CCDC169: variants seen among roughly 807,000 people sequenced by gnomAD.
CCDC169 encodes the protein coiled-coil domain-containing protein 169.
Under a neutral mutation model 36.0 loss-of-function variants are expected in CCDC169, and 30 were observed. The ratio of observed to expected loss-of-function variants is 0.83; its 90% CI spans 0.62 to 1.13. The LOEUF is 1.13. Ranked by LOEUF, CCDC169 falls within the 50% of genes most tolerant of loss-of-function variation. CCDC169 has a pLI of 0.00. For synonymous variants in CCDC169, 85 were observed against 81.5 expected, an observed-to-expected ratio of 1.04 and a Z score of -0.23; for missense variants, 245 against 245.9, an observed-to-expected ratio of 1.00 and a Z score of 0.03.
downstream of CCDC169, among the ~76,000 whole-genome samples, chr13:36,229,540 G>GTTTTT (rs10665867): frequency 5.2e-5 from 7 of 133,460 alleles, 1 homozygote; most frequent in East Asian, 2.2e-4. Flanking sequence ...TTATAATAAT[G>GTTTTT]TTTTTTTTTT....
At chr13:36,262,658 T>C (rs1874744384) in intron 4 of CCDC169, among the ~76,000 whole-genome samples, 1 of 152,188 alleles carries the variant, frequency 6.6e-6, no homozygotes, top group Admixed American at 6.5e-5. Context: ...ATATACTGGA[T>C]AGCCCAGCAT....
At chr13:36,296,273 T>G (rs1879473360) in intron 1 of CCDC169, among the ~76,000 whole-genome samples, 1 of 152,170 alleles carries the variant, frequency 6.6e-6, no homozygotes, top group Non-Finnish European at 1.5e-5. Context: ...TTTGTATTTT[T>G]AGAAGAGACA....
intron 4 of CCDC169, chr13:36,280,301 T>C (rs887860164): frequency 6.6e-6 from 1 of 152,168 alleles, no homozygotes. Context: ...TTAAAACATT[T>C]AAAGTCAAAA....
downstream of CCDC169, among the ~76,000 whole-genome samples, chr13:36,227,892 G>A (rs1158547019): frequency 2.0e-5 from 3 of 152,054 alleles, no homozygotes; most frequent in African/African-American, 7.2e-5. Flanking sequence ...GCCTATTTGG[G>A]ACATTTCATA....
At chr13:36,292,038 G>C (rs9531726) in intron 2 of CCDC169, among the ~76,000 whole-genome samples, 37,961 of 150,146 alleles carry the variant, frequency 0.25, 5,068 homozygotes, top group East Asian at 0.49. Flanking sequence ...ATCCAGGCTG[G>C]AGTGCAATGG....
At chr13:36,233,972 G>C (rs994600021) in intron 7 of CCDC169, among the ~76,000 whole-genome samples, 6 of 152,160 alleles carry the variant, frequency 3.9e-5, no homozygotes, top group Non-Finnish European at 7.4e-5. Flanking sequence ...AGATCTAGGA[G>C]AGACTGAAAG....
In CCDC169 at chr13:36,266,684, T is replaced by C. The variant is rs144629585; in HGVS notation, c.316-12541A>G. The stretch of plus-strand genomic sequence containing the variant: ...GTTAACAGTTCTCAGCCTCTCATTA[T>C]CCTTATGTAGGGTGTCAATACAACT... On this transcript the variant is annotated intron_variant, in intron 4 of 7. Transcript: ENST00000239859. Among the ~76,000 whole-genome samples, 10 of 152,354 alleles carry C rather than the reference T, an allele frequency of 6.6e-5. 1 individual carries two copies. The highest frequency in any genetic ancestry group is 2.4e-4 in the African/African-American group (10 of 41,586).
intron 4 of CCDC169, among the ~76,000 whole-genome samples, chr13:36,266,118 G>C (rs1407862459): frequency 1.3e-5 from 2 of 152,188 alleles, no homozygotes; most frequent in Non-Finnish European, 2.9e-5. Context: ...CTGGAAATTA[G>C]TTCAGGTCTG....
intron 2 of CCDC169, among the ~76,000 whole-genome samples, chr13:36,283,903 G>A (rs188966399): frequency 6.6e-6 from 1 of 152,202 alleles, no homozygotes; most frequent in East Asian, 1.9e-4. Flanking sequence ...CTCACACTCA[G>A]GCTACCAAAC....
intron 4 of CCDC169, chr13:36,280,650 TG>T (rs1877395351): frequency 6.6e-6 from 1 of 152,224 alleles, no homozygotes; most frequent in Admixed American, 6.5e-5. Flanking sequence ...CTTATTTATT[TG>T]GTTGTTCTTT....
chr13:36,244,850 G>C (rs1872303417), intron 7 of CCDC169, among the ~76,000 whole-genome samples: 2 of 84,970 alleles, frequency 2.4e-5, no homozygotes. Flanking sequence ...GTGGTCTTGG[G>C]GACTCTGACA....
chr13:36,231,345 A>G, intron 7 of CCDC169, 53 bp from the exon 8 acceptor site: 1 of 1,508,284 alleles, frequency 6.6e-7, no homozygotes, highest in Non-Finnish European at 9.0e-7. Flanking sequence ...ATGTACAACA[A>G]AAACATTATA....
chr13:36,227,044 G>C (rs540956747), downstream of CCDC169: 2 of 433,936 alleles, frequency 4.6e-6, no homozygotes, highest in East Asian at 3.4e-5. Context: ...AGCTCGAGGA[G>C]AGTTGGAAGA....
chr13:36,254,111 T>C lies in CCDC169; in HGVS notation c.348A>G (p.Glu116=). 1.3e-6 allele frequency: 2 copies of C among 1,545,400 alleles called. No homozygotes were observed. Among genetic ancestry groups the C allele is most frequent in the South Asian group, 2.4e-5 (2 of 82,990 alleles). The change falls in exon 5 of 8, where the codon GAA becomes GAG. Residue 116 remains glutamate, a synonymous_variant. Transcript: ENST00000239859. ...ESLNTLLKQL[E]EEKKTLESQV... ...GACTTTCAAGAGTCTTCTTTTCTTC[T>C]TCTAGCTGTTTAAGTAATGTGTTTA...
At chr13:36,265,473 G>A (rs575881302) in intron 4 of CCDC169, among the ~76,000 whole-genome samples, 1 of 152,232 alleles carries the variant, frequency 6.6e-6, no homozygotes, top group Non-Finnish European at 1.5e-5. Flanking sequence ...CAAAGTAGCT[G>A]CAAATGAGGC....
chr13:36,272,084 C>CA (rs66633645), intron 4 of CCDC169, among the ~76,000 whole-genome samples: 30,583 of 101,348 alleles, frequency 0.3, 3,921 homozygotes, highest in East Asian at 0.53. Flanking sequence ...GGCTCCGTCT[C>CA]AAAAAAAAAA....
downstream of CCDC169, among the ~76,000 whole-genome samples, chr13:36,229,492 G>GA (rs1266765923): frequency 6.7e-6 from 1 of 149,628 alleles, no homozygotes; most frequent in Non-Finnish European, 1.5e-5. Context: ...GCTCTGTAAG[G>GA]AAAAAATGTG....
chr13:36,262,232 T>G (rs1007047350), intron 4 of CCDC169, among the ~76,000 whole-genome samples: 3 of 152,128 alleles, frequency 2.0e-5, no homozygotes, highest in Admixed American at 1.3e-4. Context: ...TGGGGAGGTA[T>G]GTGATCTCAT....
intron 4 of CCDC169, among the ~76,000 whole-genome samples, chr13:36,266,141 A>C (rs553713161): frequency 6.6e-6 from 1 of 152,260 alleles, no homozygotes; most frequent in East Asian, 1.9e-4. Flanking sequence ...AAATGAGTAA[A>C]GAATTATGCT....
Sources: gnomAD v4.1 joint callset for allele counts (sites outside exome capture counted in the v4.1 genomes callset) on GRCh38, gnomAD v4.1.1 for gene constraint, MANE v1.5 for transcripts, NCBI Gene and HGNC (gene_info 2026-07-23, HGNC 2026-07-21) for gene names.